ACOT12: variants seen among roughly 807,000 people sequenced by gnomAD.
ACOT12 encodes the protein acyl-CoA thioesterase 12, also known as acetyl-coenzyme A thioesterase.
In ACOT12, 51 loss-of-function variants were observed where a neutral mutation model predicts 67.7. That is an observed-to-expected ratio of 0.75 (90% CI 0.60 to 0.95). ACOT12 has a LOEUF of 0.95. Ranked by LOEUF, ACOT12 falls within the 40% of genes least tolerant of loss-of-function variation. The pLI, the probability that ACOT12 is intolerant of heterozygous loss-of-function variation, is 0.00. For synonymous variants in ACOT12, 251 were observed against 244.6 expected, an observed-to-expected ratio of 1.03 and a Z score of -0.24; for missense variants, 734 against 708.1, an observed-to-expected ratio of 1.04 and a Z score of -0.41.
At chr5:81,329,889 T>C (rs771816222), downstream of ACOT12, 2 of 152,252 alleles carry the variant, frequency 1.3e-5, no homozygotes, top group African/African-American at 2.4e-5. Context: ...TTTTAATGTC[T>C]CCCTAATTTA....
At chr5:81,323,797 T>C in the ACOT12 span, among the ~76,000 whole-genome samples, 1 of 150,800 alleles carries the variant, frequency 6.6e-6, no homozygotes, top group Non-Finnish European at 1.5e-5. Context: ...AATGGAAAGA[T>C]AGGTTTTATA....
At chr5:81,323,336 C>G in the ACOT12 span, among the ~76,000 whole-genome samples, 10 of 152,190 alleles carry the variant, frequency 6.6e-5, no homozygotes, top group African/African-American at 1.9e-4. Context: ...TTGTCCACAT[C>G]CATCTGCAGT....
At chr5:81,348,220 C>T (rs1193910470) in intron 5 of ACOT12, among the ~76,000 whole-genome samples, 1 of 152,004 alleles carries the variant, frequency 6.6e-6, no homozygotes, top group South Asian at 2.1e-4. Context: ...TACACTGAAA[C>T]TTGAGTTGTT....
rs1307065796 is a variant in ACOT12, at chr5:81,387,240, C to T, written c.128-1414G>A. Among the ~76,000 whole-genome samples, 14 of 152,024 alleles carry T rather than the reference C, an allele frequency of 9.2e-5. No homozygotes were observed. The East Asian group carries it at 1.6e-3, about 17-fold the overall frequency. On this transcript the variant is annotated intron_variant, in intron 1 of 14. Transcript: ENST00000307624. ...CAGGATGGTCTCGATCTCCTGACCT[C>T]GTGATCTGCCTGCCTCAGCCTCCCA...
intron 4 of ACOT12, among the ~76,000 whole-genome samples, chr5:81,362,926 G>A (rs1319874827): frequency 6.6e-6 from 1 of 152,172 alleles, no homozygotes; most frequent in African/African-American, 2.4e-5. Flanking sequence ...GACTGAGAGT[G>A]CAGGCCAGGC....
At chr5:81,322,019 T>G in the ACOT12 span, among the ~76,000 whole-genome samples, 1 of 151,780 alleles carries the variant, frequency 6.6e-6, no homozygotes, top group East Asian at 1.9e-4. Context: ...CACAGAGAAA[T>G]GCTGAGATCG....
At chr5:81,368,016 G>T (rs149152614) in intron 3 of ACOT12, among the ~76,000 whole-genome samples, 1,553 of 152,290 alleles carry the variant, frequency 0.01, 35 homozygotes, top group African/African-American at 0.034. Flanking sequence ...TCCTGGCAGG[G>T]CACGGTGGCT....
chr5:81,372,469 T>C (rs1317591931), intron 2 of ACOT12, among the ~76,000 whole-genome samples: 1 of 152,222 alleles, frequency 6.6e-6, no homozygotes, highest in Non-Finnish European at 1.5e-5. Context: ...TTCTCTTTGC[T>C]CTTCTGTTTC....
chr5:81,346,099 A>C, intron 6 of ACOT12, 95 bp from the exon 7 acceptor site: 2 of 1,528,646 alleles, frequency 1.3e-6, no homozygotes, highest in Non-Finnish European at 1.8e-6. Context: ...CATTTCTTTA[A>C]ATTTGACTGA....
At chr5:81,357,523 G>A (rs377460497) in intron 5 of ACOT12, among the ~76,000 whole-genome samples, 119 of 151,932 alleles carry the variant, frequency 7.8e-4, no homozygotes, top group African/African-American at 2.8e-3. Context: ...AGCATGCACC[G>A]GGGCAAACTG....
chr5:81,310,533 C>T, the ACOT12 span, among the ~76,000 whole-genome samples: 1 of 151,732 alleles, frequency 6.6e-6, no homozygotes, highest in Non-Finnish European at 1.5e-5. Context: ...TTTTCTAAGT[C>T]ACTTAACATT....
intron 1 of ACOT12, 62 bp downstream of exon 1, chr5:81,393,926 C>A: frequency 7.8e-7 from 1 of 1,282,134 alleles, no homozygotes. Flanking sequence ...CCCCAGCCCC[C>A]AGCCGCCGCC....
chr5:81,324,252 T>C, the ACOT12 span, among the ~76,000 whole-genome samples: 1 of 152,188 alleles, frequency 6.6e-6, no homozygotes, highest in Non-Finnish European at 1.5e-5. Context: ...GGAAGATAGG[T>C]TATAATCCAG....
intron 11 of ACOT12, among the ~76,000 whole-genome samples, chr5:81,337,937 C>A (rs1759055387): frequency 4.6e-5 from 7 of 152,216 alleles, no homozygotes; most frequent in Admixed American, 4.6e-4. Flanking sequence ...CCACTGAATT[C>A]TGCCCTTACA....
chr5:81,371,720 C>T lies in ACOT12; in HGVS notation c.258+30G>A, dbSNP rs375762786. ...TAAACAATGAAGAAGTGAGCACCAA[C>T]AGGCAGATGTTTGAAAAGGTGCCTC... On this transcript the variant is annotated intron_variant, in intron 3 of 14. Transcript: ENST00000307624. The T allele has an allele frequency of 4.6e-5, 74 of 1,605,474 alleles. No individual in the cohort carries two copies. In the African/African-American group the frequency reaches 8.0e-4, roughly 17 times the overall value.
chr5:81,357,780 C>T (rs142345494), intron 5 of ACOT12, among the ~76,000 whole-genome samples: 9 of 152,102 alleles, frequency 5.9e-5, no homozygotes, highest in South Asian at 4.1e-4. Context: ...CCAAGGTGGG[C>T]GGATCACCTG....
At chr5:81,343,224 C>A (rs138338596) in intron 10 of ACOT12, among the ~76,000 whole-genome samples, 124 of 150,600 alleles carry the variant, frequency 8.2e-4, no homozygotes, top group African/African-American at 2.9e-3. Flanking sequence ...AAAACAAAAA[C>A]AAAAGCAAAA....
intron 5 of ACOT12, among the ~76,000 whole-genome samples, chr5:81,355,192 C>T (rs549769495): frequency 1.1e-3 from 165 of 152,334 alleles, no homozygotes; most frequent in African/African-American, 3.8e-3. Flanking sequence ...ATAGAAATGA[C>T]AGCACTTTCT....
chr5:81,371,627 A>G (rs1314238049), intron 3 of ACOT12, 123 bp downstream of exon 3: 23 of 963,116 alleles, frequency 2.4e-5, no homozygotes, highest in Non-Finnish European at 3.4e-5. Context: ...TACACATTCC[A>G]GAGCCTTCTG....
Sources: allele counts gnomAD v4.1 joint callset (sites outside exome capture counted in the v4.1 genomes callset), GRCh38; gene constraint gnomAD v4.1.1; transcripts MANE v1.5; gene names NCBI Gene and HGNC (gene_info 2026-07-23, HGNC 2026-07-21).